Variants in ANKRD27 observed in about 807,000 individuals in gnomAD.
The protein encoded by ANKRD27 is ankyrin repeat domain-containing protein 27.
ANKRD27 carries 112 observed loss-of-function variants against 129.7 expected under a neutral mutation model. That is an observed-to-expected ratio of 0.86 (90% CI 0.74 to 1.01). ANKRD27 has a LOEUF of 1.01. Among genes scored for constraint, ANKRD27 ranks in the 50% least tolerant of loss-of-function variants. The pLI is 0.00. For synonymous variants in ANKRD27, 516 were observed against 511.2 expected (o/e 1.01, Z -0.13); for missense variants, 1,258 against 1,300.5 (o/e 0.97, Z 0.50).
intron 18 of ANKRD27, among the ~76,000 whole-genome samples, chr19:32,619,796 G>A (rs546601421): frequency 6.6e-5 from 10 of 152,216 alleles, no homozygotes; most frequent in African/African-American, 1.9e-4. Context: ...CTCCTGTCCC[G>A]TGGGAGGGCT....
At chr19:32,660,165 CAT>C (rs1421789869) in intron 1 of ANKRD27, among the ~76,000 whole-genome samples, 2 of 152,206 alleles carry the variant, frequency 1.3e-5, no homozygotes, top group East Asian at 1.9e-4. Context: ...CCCAAAAACT[CAT>C]ATGTTAAAAT....
chr19:32,669,005 T>C (rs1202600492), intron 1 of ANKRD27, among the ~76,000 whole-genome samples: 1 of 152,010 alleles, frequency 6.6e-6, no homozygotes, highest in Non-Finnish European at 1.5e-5. Context: ...AGAGATGGTG[T>C]CTCGCTATGT....
chr19:32,664,963 A>ATTC (rs1555748726), intron 1 of ANKRD27, among the ~76,000 whole-genome samples: 1 of 69,620 alleles, frequency 1.4e-5, no homozygotes, highest in East Asian at 3.2e-4. Flanking sequence ...TATATTTTAC[A>ATTC]TTTTTTTATT....
At chr19:32,612,392 A>G (rs1971847866) in intron 22 of ANKRD27, among the ~76,000 whole-genome samples, 1 of 152,248 alleles carries the variant, frequency 6.6e-6, no homozygotes, top group Admixed American at 6.5e-5. Context: ...AAATTGATAT[A>G]GCTCAGACCA....
At chr19:32,599,341 T>C (rs1289070806) in intron 28 of ANKRD27, among the ~76,000 whole-genome samples, 1 of 152,178 alleles carries the variant, frequency 6.6e-6, no homozygotes, top group African/African-American at 2.4e-5. Flanking sequence ...TCTGAGCAAC[T>C]GTACACCATA....
At chr19:32,607,934 C>T (rs1028739888) in intron 22 of ANKRD27, 102 bp from the exon 23 acceptor site, 14 of 1,181,520 alleles carry the variant, frequency 1.2e-5, no homozygotes, top group East Asian at 7.7e-5. Flanking sequence ...ACACACAATG[C>T]GGGATCATGG....
chr19:32,625,263 A>G (rs1300599706), intron 17 of ANKRD27, among the ~76,000 whole-genome samples: 1 of 152,170 alleles, frequency 6.6e-6, no homozygotes, highest in Non-Finnish European at 1.5e-5. Context: ...CTCAAAAATA[A>G]ATAATAAGTA....
chr19:32,655,908 C>T (rs1419395452), intron 2 of ANKRD27, among the ~76,000 whole-genome samples: 1 of 151,672 alleles, frequency 6.6e-6, no homozygotes, highest in Non-Finnish European at 1.5e-5. Context: ...ATCCCAGCTA[C>T]TTGGTAGGCC....
At chr19:32,613,763 C>T (rs577914458) in intron 22 of ANKRD27, among the ~76,000 whole-genome samples, 61 of 140,900 alleles carry the variant, frequency 4.3e-4, no homozygotes, top group Admixed American at 3.0e-3. Flanking sequence ...GGCTGGAGTG[C>T]GGTGGCACAA....
intron 21 of ANKRD27, 135 bp from the exon 22 acceptor site, chr19:32,615,915 G>A (rs1272439920): frequency 8.9e-6 from 11 of 1,237,170 alleles, no homozygotes; most frequent in South Asian, 1.5e-5. Flanking sequence ...ATTTATAACC[G>A]GCTTCTGCTC....
chr19:32,629,985 C>A (rs922315074), intron 13 of ANKRD27, among the ~76,000 whole-genome samples: 1 of 151,948 alleles, frequency 6.6e-6, no homozygotes, highest in Non-Finnish European at 1.5e-5. Flanking sequence ...TCACTGCAGC[C>A]TCAACCTCTC....
At chr19:32,624,994 C>G (rs1490255376) in intron 17 of ANKRD27, among the ~76,000 whole-genome samples, 1 of 152,050 alleles carries the variant, frequency 6.6e-6, no homozygotes, top group African/African-American at 2.4e-5. Context: ...CGGTGGCTCA[C>G]TCCTGTAATC....
At chr19:32,663,041 C>G (rs1967676155) in intron 1 of ANKRD27, among the ~76,000 whole-genome samples, 1 of 152,070 alleles carries the variant, frequency 6.6e-6, no homozygotes, top group Non-Finnish European at 1.5e-5. Flanking sequence ...GATTCTGTCT[C>G]AAAGACAAAA....
At chr19:32,654,667 CT>C (rs985432944) in intron 2 of ANKRD27, among the ~76,000 whole-genome samples, 1 of 140,066 alleles carries the variant, frequency 7.1e-6, no homozygotes, top group African/African-American at 2.6e-5. Context: ...TTCTTTTTTT[CT>C]TTTTTTTTAG....
intron 1 of ANKRD27, among the ~76,000 whole-genome samples, chr19:32,667,730 G>A (rs1434102869): frequency 6.6e-6 from 1 of 151,672 alleles, no homozygotes; most frequent in African/African-American, 2.4e-5. Flanking sequence ...TACTCAGGAG[G>A]CTGAAGCAGG....
intron 1 of ANKRD27, among the ~76,000 whole-genome samples, chr19:32,668,475 C>CTTTTTTTT (rs71176144): frequency 7.1e-6 from 1 of 141,672 alleles, no homozygotes; most frequent in African/African-American, 2.6e-5. Flanking sequence ...TTATCTTCAT[C>CTTTTTTTT]TTTTTTTTTT....
At chr19:32,604,168 G>A (rs545730415) in intron 25 of ANKRD27, 95 bp downstream of exon 25, 1 of 1,405,132 alleles carries the variant, frequency 7.1e-7, no homozygotes, top group Admixed American at 2.2e-5. Context: ...CCAAGGGCCA[G>A]GTGTTGCTAT....
At chr19:32,640,489 G>C in intron 10 of ANKRD27, 104 bp from the exon 11 acceptor site, 7 of 904,396 alleles carry the variant, frequency 7.7e-6, no homozygotes, top group Non-Finnish European at 1.3e-5. Flanking sequence ...ACGTATCAGG[G>C]AGATCATACA....
At chr19:32,617,880 T>G (rs1179663028) in intron 20 of ANKRD27, among the ~76,000 whole-genome samples, 2 of 151,264 alleles carry the variant, frequency 1.3e-5, no homozygotes, top group East Asian at 2.0e-4. Context: ...TCAGCCTCCC[T>G]AGTAGCTGGG....
Sources: gnomAD v4.1 joint callset for allele counts (sites outside exome capture counted in the v4.1 genomes callset) on GRCh38, gnomAD v4.1.1 for gene constraint, MANE v1.5 for transcripts, NCBI Gene and HGNC (gene_info 2026-07-23, HGNC 2026-07-21) for gene names.